The following GALNTL6 variants were observed in gnomAD, a reference collection of about 807,000 sequenced individuals.
GALNTL6 encodes polypeptide N-acetylgalactosaminyltransferase-like 6.
In GALNTL6, 46 loss-of-function variants were observed where a neutral mutation model predicts 73.7. The ratio of observed to expected loss-of-function variants is 0.62; its 90% CI spans 0.49 to 0.80. The LOEUF (loss-of-function observed/expected upper bound fraction) is 0.80, where lower values mean the gene tolerates loss of function less well. Ranked by LOEUF, GALNTL6 falls within the 30% of genes least tolerant of loss-of-function variation. The pLI is 0.00. For missense variants in GALNTL6, 604 were observed against 755.0 expected, an observed-to-expected ratio of 0.80 and a Z score of 2.34; for synonymous variants, 259 against 263.7, an observed-to-expected ratio of 0.98 and a Z score of 0.17.
rs369771906 is a variant in GALNTL6, at chr4:172,643,209, C to A, written c.554-166152C>A. 3.9e-4 allele frequency among the ~76,000 whole-genome samples: 60 copies of A among 151,920 alleles called. No homozygotes were observed. The East Asian group carries it at 7.0e-3, about 18-fold the overall frequency. On this transcript the variant is annotated intron_variant, in intron 5 of 12. Transcript: ENST00000506823. ...CAGCTGAAGTAGATGAGGTCTCTGA[C>A]AACTGTACGTCAAAGGCAAATGAAG...
intron 7 of GALNTL6, among the ~76,000 whole-genome samples, chr4:172,849,928 C>G (rs575154379): frequency 6.6e-6 from 1 of 152,268 alleles, no homozygotes; most frequent in South Asian, 2.1e-4. Flanking sequence ...ATCTTTAACA[C>G]TTGGCAAAAA....
chr4:171,945,182 C>T (rs1012368256), intron 2 of GALNTL6, among the ~76,000 whole-genome samples: 1 of 151,960 alleles, frequency 6.6e-6, no homozygotes, highest in South Asian at 2.1e-4. Context: ...TCTCCAGATA[C>T]CTAGCATGTT....
intron 8 of GALNTL6, among the ~76,000 whole-genome samples, chr4:172,905,972 C>A (rs1379760581): frequency 6.6e-6 from 1 of 152,080 alleles, no homozygotes; most frequent in East Asian, 1.9e-4. Flanking sequence ...GAAATGACCA[C>A]AGCTACAAAT....
rs759467328 is a variant in GALNTL6 at position 172,862,665 on chromosome 4, A to C, written c.924-20125A>C. Among the ~76,000 whole-genome samples, 198 of 151,982 alleles carry C rather than the reference A, an allele frequency of 1.3e-3. 2 individuals carry two copies. Among genetic ancestry groups the C allele is most frequent in the Non-Finnish European group, 3.2e-4 (22 of 67,996 alleles). On this transcript the variant is annotated intron_variant, in intron 7 of 12. Transcript: ENST00000506823. ...CGGTGAGCCAACATCACAGTACTGC[A>C]CTCCAGCCTGGGTGACAGAGTGAGA...
intron 2 of GALNTL6, among the ~76,000 whole-genome samples, chr4:172,087,616 T>C (rs72988336): frequency 0.05 from 7,570 of 152,100 alleles, 582 homozygotes; most frequent in African/African-American, 0.17. Context: ...GGAAAATAAG[T>C]AAATATATAT....
At chr4:172,271,501 A>T (rs1738649883) in intron 3 of GALNTL6, among the ~76,000 whole-genome samples, 1 of 152,108 alleles carries the variant, frequency 6.6e-6, no homozygotes, top group South Asian at 2.1e-4. Flanking sequence ...ACAAACATAC[A>T]TGTGATGTGC....
chr4:172,330,711 T>A (rs1741096053), intron 4 of GALNTL6, among the ~76,000 whole-genome samples: 1 of 152,204 alleles, frequency 6.6e-6, no homozygotes, highest in South Asian at 2.1e-4. Context: ...CTTTTGAAGC[T>A]CAGCGTTTAC....
At chr4:172,410,776 C>CTT (rs1209529004) in intron 5 of GALNTL6, among the ~76,000 whole-genome samples, 1 of 151,964 alleles carries the variant, frequency 6.6e-6, no homozygotes, top group Non-Finnish European at 1.5e-5. Flanking sequence ...TTGTACTGGG[C>CTT]TTTTTTATTG....
chr4:172,543,993 T>A (rs896299039), intron 5 of GALNTL6, among the ~76,000 whole-genome samples: 12 of 152,292 alleles, frequency 7.9e-5, no homozygotes, highest in African/African-American at 2.4e-4. Flanking sequence ...TTGTACCCAT[T>A]ATGATGCAAA....
At chr4:172,852,383 C>T (rs913158122) in intron 7 of GALNTL6, among the ~76,000 whole-genome samples, 4 of 152,082 alleles carry the variant, frequency 2.6e-5, no homozygotes, top group African/African-American at 9.7e-5. Context: ...GAAAAATTAG[C>T]AGGCCAAGAC....
At chr4:171,903,785 A>C (rs1225351167) in intron 2 of GALNTL6, among the ~76,000 whole-genome samples, 1 of 152,052 alleles carries the variant, frequency 6.6e-6, no homozygotes, top group African/African-American at 2.4e-5. Flanking sequence ...CCCAGCACGC[A>C]GCTGGAGATC....
At chr4:172,127,932 G>A (rs1371804810) in intron 2 of GALNTL6, among the ~76,000 whole-genome samples, 9 of 151,934 alleles carry the variant, frequency 5.9e-5, no homozygotes, top group South Asian at 2.1e-4. Context: ...GTAAAACCCC[G>A]TCTCTACTTA....
At chr4:172,740,848 A>G (rs964327280) in intron 5 of GALNTL6, among the ~76,000 whole-genome samples, 18 of 152,220 alleles carry the variant, frequency 1.2e-4, no homozygotes, top group African/African-American at 3.9e-4. Context: ...TTCAGGTGTG[A>G]GTTACCGTGC....
intron 5 of GALNTL6, among the ~76,000 whole-genome samples, chr4:172,648,359 C>T (rs1417325143): frequency 6.6e-6 from 1 of 152,042 alleles, no homozygotes; most frequent in Non-Finnish European, 1.5e-5. Context: ...TTAGGATGTC[C>T]AAAACACAGT....
chr4:172,307,037 T>C (rs1284410696), intron 3 of GALNTL6, among the ~76,000 whole-genome samples: 2 of 152,184 alleles, frequency 1.3e-5, no homozygotes, highest in Non-Finnish European at 2.9e-5. Context: ...AAAATTTCCA[T>C]ACTGTTTTCC....
intron 2 of GALNTL6, among the ~76,000 whole-genome samples, chr4:171,861,940 T>A (rs562543499): frequency 4.8e-4 from 73 of 152,286 alleles, no homozygotes; most frequent in African/African-American, 1.8e-3. Context: ...TATGATCAAT[T>A]TTATTAAAGG....
intron 2 of GALNTL6, among the ~76,000 whole-genome samples, chr4:172,197,585 A>G (rs1321042010): frequency 2.6e-5 from 4 of 152,194 alleles, no homozygotes; most frequent in Non-Finnish European, 5.9e-5. Context: ...TGGTACAAAA[A>G]TAGACACATA....
intron 10 of GALNTL6, among the ~76,000 whole-genome samples, chr4:173,004,623 T>TCTAA (rs537672248): frequency 3.4e-4 from 52 of 152,116 alleles, no homozygotes; most frequent in African/African-American, 7.0e-4. Flanking sequence ...TGAAACTCCA[T>TCTAA]CTAACTAACT....
At chr4:171,998,957 A>G (rs966442765) in intron 2 of GALNTL6, among the ~76,000 whole-genome samples, 4 of 152,150 alleles carry the variant, frequency 2.6e-5, no homozygotes, top group African/African-American at 9.6e-5. Context: ...GGAAGATTAC[A>G]GCCTCATACC....
Sources: gnomAD v4.1 joint callset for allele counts (sites outside exome capture counted in the v4.1 genomes callset) on GRCh38, gnomAD v4.1.1 for gene constraint, MANE v1.5 for transcripts, NCBI Gene and HGNC (gene_info 2026-07-23, HGNC 2026-07-21) for gene names.